Variants in RBFOX1 observed in about 807,000 individuals in gnomAD.
The protein encoded by RBFOX1 is RNA binding fox-1 homolog 1, also known as RNA binding protein fox-1 homolog 1.
A neutral mutation model predicts 57.7 loss-of-function variants in RBFOX1; 8 were observed. That is an observed-to-expected ratio of 0.14 (90% confidence interval 0.08 to 0.25). RBFOX1 has a LOEUF of 0.25. Ranked by LOEUF, RBFOX1 falls within the 10% of genes least tolerant of loss-of-function variation. RBFOX1 has a pLI of 1.00. For missense variants in RBFOX1, 611 were observed against 548.5 expected (o/e 1.11, Z -1.14); for synonymous variants, 326 against 222.4 (o/e 1.47, Z -4.15).
chr16:5,692,920 C>G lies in RBFOX1; in HGVS notation c.318+93959C>G, dbSNP rs185054997. On this transcript the variant is annotated intron_variant, in intron 3 of 19. Coordinates refer to the RBFOX1 transcript ENST00000641259. ...GGCACATGCAGCTTAGCTGGGAGGACACAGGTAGGTACATTCTGAGACAGA... is the reference window on the plus strand; with the variant it reads ...GGCACATGCAGCTTAGCTGGGAGGAGACAGGTAGGTACATTCTGAGACAGA... Among the ~76,000 whole-genome samples, 767 of 152,308 alleles carry G rather than the reference C, an allele frequency of 5.0e-3. 22 individuals are homozygous for G. The highest frequency in any genetic ancestry group is 0.041 in the Admixed American group (629 of 15,300).
At chr16:7,614,049 T>A (rs1165890482) in intron 10 of RBFOX1, among the ~76,000 whole-genome samples, 2 of 152,136 alleles carry the variant, frequency 1.3e-5, no homozygotes, top group Admixed American at 1.3e-4. Flanking sequence ...AATATTCAGG[T>A]GCCCCTCTTG....
chr16:5,650,041 G>T (rs973788762), intron 3 of RBFOX1, among the ~76,000 whole-genome samples: 1 of 152,222 alleles, frequency 6.6e-6, no homozygotes, highest in Non-Finnish European at 1.5e-5. Flanking sequence ...AGCATTGGCC[G>T]TCTGGGCTGC....
intron 3 of RBFOX1, among the ~76,000 whole-genome samples, chr16:5,605,868 C>T (rs547162379): frequency 2.6e-4 from 40 of 152,178 alleles, no homozygotes; most frequent in African/African-American, 9.2e-4. Flanking sequence ...GGGGAGAGTG[C>T]CAACACAGAT....
At chr16:6,143,981 A>ATATCTC (rs988042921) in intron 1 of RBFOX1, among the ~76,000 whole-genome samples, 4 of 149,708 alleles carry the variant, frequency 2.7e-5, no homozygotes, top group African/African-American at 9.9e-5. Context: ...ATATATATAT[A>ATATCTC]TCTCTACCTA....
At chr16:6,041,877 A>C (rs1433587107) in intron 1 of RBFOX1, among the ~76,000 whole-genome samples, 2 of 152,090 alleles carry the variant, frequency 1.3e-5, no homozygotes, top group African/African-American at 4.8e-5. Context: ...CCTGTTTTAA[A>C]GTTCTATAGC....
chr16:7,333,061 A>C, intron 4 of RBFOX1: 2 of 1,613,904 alleles, frequency 1.2e-6, no homozygotes, highest in East Asian at 4.5e-5. Context: ...TTGTACCGGC[A>C]GCTCCTTACC....
intron 3 of RBFOX1, among the ~76,000 whole-genome samples, chr16:6,820,320 C>T (rs373937843): frequency 6.6e-6 from 1 of 152,128 alleles, no homozygotes; most frequent in African/African-American, 2.4e-5. Flanking sequence ...TCCTCTTAAT[C>T]ATCAAATAAT....
In RBFOX1 at chr16:7,012,281, G is replaced by C. The variant is rs536635751; in HGVS notation, c.-15-39776G>C. The stretch of plus-strand genomic sequence containing the variant: ...TCCCAGTTTTAAAGATACAGGATCT[G>C]AGGCTGACAGACCAAATGTCTGGCA... On this transcript the variant is annotated intron_variant, in intron 3 of 15. Coordinates refer to ENST00000550418, the MANE Select transcript of RBFOX1 (RefSeq NM_018723.4). Among the ~76,000 whole-genome samples the C allele has an allele frequency of 3.0e-4, 46 of 152,326 alleles. 1 individual carries two copies. Among genetic ancestry groups the C allele is most frequent in the African/African-American group, 1.1e-3 (45 of 41,584 alleles).
intron 1 of RBFOX1, among the ~76,000 whole-genome samples, chr16:6,211,547 C>A (rs992846642): frequency 1.8e-4 from 27 of 152,236 alleles, no homozygotes; most frequent in African/African-American, 6.3e-4. Context: ...AACTCTTGGT[C>A]TTCTACATGT....
intron 3 of RBFOX1, among the ~76,000 whole-genome samples, chr16:5,674,102 T>A (rs376857281): frequency 6.6e-6 from 1 of 152,214 alleles, no homozygotes; most frequent in East Asian, 1.9e-4. Flanking sequence ...AGGAGGTGAT[T>A]CTACAGCAAA....
intron 3 of RBFOX1, among the ~76,000 whole-genome samples, chr16:6,697,447 G>A (rs548521874): frequency 4.6e-5 from 7 of 152,224 alleles, no homozygotes; most frequent in African/African-American, 9.6e-5. Context: ...AACAGCCCAC[G>A]GTGAGACTGA....
chr16:6,793,727 T>A (rs1028831605), intron 3 of RBFOX1, among the ~76,000 whole-genome samples: 10 of 152,204 alleles, frequency 6.6e-5, no homozygotes, highest in African/African-American at 2.4e-4. Context: ...TAGAGTATAT[T>A]AAATTAAAAT....
At chr16:5,752,473 A>G (rs193166838) in intron 3 of RBFOX1, among the ~76,000 whole-genome samples, 1 of 152,342 alleles carries the variant, frequency 6.6e-6, no homozygotes, top group East Asian at 1.9e-4. Flanking sequence ...ACAATCAACT[A>G]TTAAAAGGGC....
At chr16:6,929,115 G>C (rs1473974672) in intron 3 of RBFOX1, among the ~76,000 whole-genome samples, 3 of 152,106 alleles carry the variant, frequency 2.0e-5, no homozygotes, top group African/African-American at 7.2e-5. Flanking sequence ...GGCCCACATT[G>C]CAACTCTTCA....
intron 1 of RBFOX1, among the ~76,000 whole-genome samples, chr16:6,212,633 G>C (rs1367849229): frequency 6.6e-6 from 1 of 152,128 alleles, no homozygotes; most frequent in Non-Finnish European, 1.5e-5. Context: ...CGTGAACCCG[G>C]GAGGTGGAGC....
chr16:5,850,136 A>G (rs141298365), intron 3 of RBFOX1, among the ~76,000 whole-genome samples: 14 of 152,268 alleles, frequency 9.2e-5, no homozygotes, highest in Non-Finnish European at 1.9e-4. Context: ...TCAGTGGCTA[A>G]GAGGGAAAGG....
At chr16:6,390,607 A>T (rs1166851348) in intron 2 of RBFOX1, among the ~76,000 whole-genome samples, 1 of 152,232 alleles carries the variant, frequency 6.6e-6, no homozygotes, top group African/African-American at 2.4e-5. Flanking sequence ...TAAATTAAAT[A>T]AAATAAACTA....
At chr16:5,906,724 A>ATTTT (rs2058465791) in intron 4 of RBFOX1, among the ~76,000 whole-genome samples, 2 of 92,538 alleles carry the variant, frequency 2.2e-5, no homozygotes, top group African/African-American at 4.6e-5. Context: ...TGAATCCTAG[A>ATTTT]TTCTTTTTTT....
intron 5 of RBFOX1, 69 bp downstream of exon 5, chr16:7,518,458 G>C: frequency 6.5e-7 from 1 of 1,532,596 alleles, no homozygotes; most frequent in South Asian, 1.3e-5. Context: ...AATGGCAGCG[G>C]GGGTGCACCC....
Sources: gnomAD v4.1 joint callset for allele counts (sites outside exome capture counted in the v4.1 genomes callset) on GRCh38, gnomAD v4.1.1 for gene constraint, MANE v1.5 for transcripts, NCBI Gene and HGNC (gene_info 2026-07-23, HGNC 2026-07-21) for gene names.